Variants in SV2B observed in about 807,000 individuals in gnomAD.
SV2B encodes the protein solute carrier family 22 member B2.
Under a neutral mutation model 73.9 loss-of-function variants are expected in SV2B, and 41 were observed. The ratio of observed to expected loss-of-function variants is 0.56; its 90% CI spans 0.43 to 0.72. The LOEUF (loss-of-function observed/expected upper bound fraction) is 0.72, where lower values mean the gene tolerates loss of function less well. Among genes scored for constraint, SV2B ranks in the 30% least tolerant of loss-of-function variants. The pLI, the probability that SV2B is intolerant of heterozygous loss-of-function variation, is 0.00. For missense variants in SV2B, 764 were observed against 857.8 expected, an observed-to-expected ratio of 0.89 and a Z score of 1.37; for synonymous variants, 314 against 314.2, an observed-to-expected ratio of 1.00 and a Z score of 0.01.
chr15:91,179,358 A>G (rs1327830561), intron 1 of SV2B, among the ~76,000 whole-genome samples: 6 of 152,298 alleles, frequency 3.9e-5, no homozygotes, highest in Admixed American at 6.5e-5. Context: ...GCTGAAAAAA[A>G]TATATATTTT....
At position 91,289,425 on chromosome 15, in the gene SV2B, C is replaced by T. The variant is rs376795603; in HGVS notation, c.1709-96C>T. 4 of 1,497,982 alleles carry T rather than the reference C, an allele frequency of 2.7e-6. No individual in the cohort carries two copies. Among genetic ancestry groups the T allele is most frequent in the African/African-American group, 2.8e-5 (2 of 72,436 alleles). The allele number at this position is 1,497,982 out of a possible 1,614,324, so 92.8% of individuals were successfully genotyped here. A position where few individuals can be genotyped will look rare whatever the true frequency, so the allele number is the denominator to read the frequency against. ...TCAGGCAGCCTTGGCTTCAGGTGTA[C>T]CAGTGAGGGTGGGAGATGGGGCAAG... On this transcript the variant is annotated intron_variant, in intron 11 of 12. Transcript: ENST00000394232. The surrounding 1 kb of genome is among the most constrained non-coding windows in gnomAD (Gnocchi z 4.9).
At chr15:91,157,560 GGCACTGTTTTAA>G (rs2043533905) in intron 1 of SV2B, among the ~76,000 whole-genome samples, 1 of 152,124 alleles carries the variant, frequency 6.6e-6, no homozygotes, top group Non-Finnish European at 1.5e-5. Flanking sequence ...CAATATGTTA[GGCACTGTTTTAA>G]GCTCTTTGCA....
At chr15:91,147,645 G>T (rs2043184157) in intron 1 of SV2B, among the ~76,000 whole-genome samples, 1 of 152,142 alleles carries the variant, frequency 6.6e-6, no homozygotes, top group African/African-American at 2.4e-5. Flanking sequence ...ACACAAGTCA[G>T]AGACAGTTTC....
In SV2B at chr15:91,230,616, A is replaced by G. The variant is rs893017639; in HGVS notation, c.451+3902A>G. 2.6e-5 allele frequency among the ~76,000 whole-genome samples: 4 copies of G among 152,290 alleles called. No individual in the cohort carries two copies. In the South Asian group the frequency reaches 8.3e-4, roughly 32 times the overall value. ...GTATATTGTTAACATTGAAGGCTCA[A>G]CCCTGCTTAGTGTCCAGGAGTTGGT... On this transcript the variant is annotated intron_variant, in intron 2 of 12. Transcript: ENST00000394232.
intron 1 of SV2B, among the ~76,000 whole-genome samples, chr15:91,116,319 CT>C (rs1476363016): frequency 7.9e-5 from 12 of 152,134 alleles, no homozygotes; most frequent in Non-Finnish European, 1.8e-4. Context: ...ACTGGCACCC[CT>C]GGCTGCTTTG....
intron 6 of SV2B, among the ~76,000 whole-genome samples, chr15:91,260,734 G>A (rs1354485715): frequency 1.3e-5 from 2 of 152,108 alleles, no homozygotes; most frequent in Non-Finnish European, 2.9e-5. Flanking sequence ...AAGTTTAATT[G>A]GACTTACAGT....
chr15:91,139,793 A>T lies in SV2B; in HGVS notation c.-392+39430A>T, dbSNP rs1453601207. On this transcript the variant is annotated intron_variant, in intron 1 of 12. Coordinates refer to ENST00000394232, the MANE Select transcript of SV2B (RefSeq NM_001323032.3). This position sits in a 1 kb window ranked among gnomAD's most constrained non-coding sequence, Gnocchi z 5.2. ...TTTGAGGATGCAAGGAGGTACTCAG[A>T]TAATTAACAGGCGTCAGTTGGTTGT... Among the ~76,000 whole-genome samples the T allele has an allele frequency of 1.3e-5, 2 of 152,236 alleles. No individual in the cohort carries two copies. Among genetic ancestry groups the T allele is most frequent in the African/African-American group, 4.8e-5 (2 of 41,462 alleles).
intron 1 of SV2B, among the ~76,000 whole-genome samples, chr15:91,198,812 G>T (rs2045354285): frequency 1.3e-5 from 2 of 152,314 alleles, no homozygotes; most frequent in South Asian, 4.1e-4. Flanking sequence ...TCGACCCAGA[G>T]TCCTGTTGCT....
intron 1 of SV2B, among the ~76,000 whole-genome samples, chr15:91,180,949 T>G (rs886192145): frequency 6.6e-6 from 1 of 152,238 alleles, no homozygotes; most frequent in African/African-American, 2.4e-5. Flanking sequence ...ACTGCGTTCC[T>G]TTGGAGGAGG....
At chr15:91,185,570 G>T (rs561032421) in intron 1 of SV2B, among the ~76,000 whole-genome samples, 1 of 152,328 alleles carries the variant, frequency 6.6e-6, no homozygotes, top group East Asian at 1.9e-4. Context: ...ATGGAAGGGA[G>T]ATGTTTCTGG....
At position 91,252,391 on chromosome 15, in the gene SV2B, GT is replaced by G. The variant is rs1210452364; in HGVS notation, c.660del (p.Phe220LeufsTer25). The G allele has an allele frequency of 6.2e-7, 1 of 1,612,618 alleles. No homozygotes were observed. Among genetic ancestry groups the G allele is most frequent in the Non-Finnish European group, 8.5e-7 (1 of 1,179,514 alleles). ...GIGIGGALPI[V>X]FAYFSEFLSR... is the part of the protein sequence containing the mutation. ...CAGTATTGGGGGTGCTCTACCGATT[GT>G]TTTTGCCTATTTTTCTGAATTCTTG... On this transcript the variant is annotated frameshift_variant, in exon 4 of 13. Transcript: ENST00000394232. LOFTEE classifies it high-confidence loss of function. This position sits in a 1 kb window ranked among gnomAD's most constrained non-coding sequence, Gnocchi z 4.6.
chr15:91,198,153 G>A (rs1477003808), intron 1 of SV2B, among the ~76,000 whole-genome samples: 1 of 152,160 alleles, frequency 6.6e-6, no homozygotes, highest in Non-Finnish European at 1.5e-5. Flanking sequence ...AGTCTGCCCC[G>A]GTGCTTCAAT....
chr15:91,198,443 A>G (rs1163569993), intron 1 of SV2B, among the ~76,000 whole-genome samples: 18 of 145,234 alleles, frequency 1.2e-4, no homozygotes, highest in African/African-American at 4.7e-4. Context: ...TTTTCAGCCA[A>G]GAAGCACGTG....
Position 91,289,289 on chromosome 15 carries a change from C to T in SV2B, c.1709-232C>T, listed in dbSNP as rs571577611. 1.3e-5 allele frequency among the ~76,000 whole-genome samples: 2 copies of T among 152,314 alleles called. No individual in the cohort carries two copies. The highest frequency in any genetic ancestry group is 3.9e-4 in the East Asian group (2 of 5,178). On this transcript the variant is annotated intron_variant, in intron 11 of 12. Coordinates refer to ENST00000394232, the MANE Select transcript of SV2B (RefSeq NM_001323032.3). This position sits in a 1 kb window ranked among gnomAD's most constrained non-coding sequence, Gnocchi z 4.9. The stretch of plus-strand genomic sequence containing the variant: ...CACCTTAGAGTGGTGACTTCAGAAT[C>T]CTTCCTAAGTCTGGTGATCTGACCC...
chr15:91,184,632 C>T (rs913824446), intron 1 of SV2B, among the ~76,000 whole-genome samples: 1 of 152,174 alleles, frequency 6.6e-6, no homozygotes, highest in African/African-American at 2.4e-5. Flanking sequence ...CCATTGCTTG[C>T]CAGCTGCTTC....
intron 2 of SV2B, among the ~76,000 whole-genome samples, chr15:91,228,433 A>T (rs1209855123): frequency 1.3e-5 from 2 of 152,208 alleles, no homozygotes; most frequent in Admixed American, 1.3e-4. Flanking sequence ...CAAAGACCCC[A>T]AACAAAACAA....
intron 1 of SV2B, among the ~76,000 whole-genome samples, chr15:91,107,156 A>C (rs2041905702): frequency 6.6e-6 from 1 of 152,048 alleles, no homozygotes; most frequent in East Asian, 1.9e-4. Flanking sequence ...TCCCAGAAGG[A>C]AGTGTGAGAA....
intron 1 of SV2B, among the ~76,000 whole-genome samples, chr15:91,166,973 C>T (rs2043938309): frequency 6.6e-6 from 1 of 151,882 alleles, no homozygotes; most frequent in Non-Finnish European, 1.5e-5. Flanking sequence ...GCCACCATGC[C>T]CGGCTATTTT....
chr15:91,159,711 A>G (rs2043642080), intron 1 of SV2B, among the ~76,000 whole-genome samples: 3 of 152,194 alleles, frequency 2.0e-5, no homozygotes, highest in Non-Finnish European at 4.4e-5. Context: ...AAATACGACC[A>G]TGAAAATAAA....
Sources: allele counts gnomAD v4.1 joint callset (sites outside exome capture counted in the v4.1 genomes callset), GRCh38; gene constraint gnomAD v4.1.1; non-coding constraint Gnocchi (gnomAD v3.1); transcripts MANE v1.5; gene names NCBI Gene and HGNC (gene_info 2026-07-23, HGNC 2026-07-21).